Variants in ZC3H12B observed in about 807,000 individuals in gnomAD.
ZC3H12B encodes probable ribonuclease ZC3H12B.
Under a neutral mutation model 43.9 loss-of-function variants are expected in ZC3H12B, and 7 were observed. The observed-to-expected ratio is 0.16, with a 90% CI of 0.09 to 0.30. The LOEUF (loss-of-function observed/expected upper bound fraction) is 0.30. ZC3H12B is among the 10% of genes least tolerant of loss of function. The probability of loss-of-function intolerance (pLI) is 1.00; values close to 1 mark genes in which losing one functional copy is unlikely to be tolerated. For missense variants in ZC3H12B, 475 were observed against 670.2 expected (o/e 0.71, Z 3.22); for synonymous variants, 222 against 241.7 (o/e 0.92, Z 0.76).
intron 2 of ZC3H12B, among the ~76,000 whole-genome samples, chrX:65,384,540 GA>G (rs774829243): frequency 3.6e-5 from 4 of 109,904 alleles, no homozygotes; most frequent in African/African-American, 9.9e-5. Flanking sequence ...TTTTAAAAAG[GA>G]AAAAAAAGTT....
At chrX:65,206,111 A>G in the ZC3H12B span, among the ~76,000 whole-genome samples, 5 of 112,057 alleles carry the variant, frequency 4.5e-5, no homozygotes, top group Non-Finnish European at 9.4e-5. Flanking sequence ...AATTCAATGC[A>G]ATTTGAAGCA....
upstream of ZC3H12B, among the ~76,000 whole-genome samples, chrX:65,366,418 G>T (rs1408234623): frequency 8.9e-6 from 1 of 111,998 alleles, no homozygotes; most frequent in African/African-American, 3.2e-5. Flanking sequence ...ATATGTATTT[G>T]TTCTTTGTCA....
intron 2 of ZC3H12B, among the ~76,000 whole-genome samples, chrX:65,386,931 T>C (rs754421721): frequency 1.8e-5 from 2 of 111,967 alleles, no homozygotes; most frequent in East Asian, 5.6e-4. Flanking sequence ...AGCAGATTGT[T>C]CAGTTTCCAT....
chrX:65,154,243 T>A, the ZC3H12B span, among the ~76,000 whole-genome samples: 6 of 111,468 alleles, frequency 5.4e-5, no homozygotes, highest in Non-Finnish European at 7.6e-5. Flanking sequence ...TAATAAAATT[T>A]AAAAAAATAA....
the ZC3H12B span, among the ~76,000 whole-genome samples, chrX:65,050,145 T>C: frequency 9.0e-6 from 1 of 111,536 alleles, no homozygotes; most frequent in African/African-American, 3.2e-5. Flanking sequence ...GTTAAGTTTA[T>C]TTCTAAGTAT....
At chrX:65,362,262 T>C (rs2066113488), upstream of ZC3H12B, among the ~76,000 whole-genome samples, 1 of 111,441 alleles carries the variant, frequency 9.0e-6, no homozygotes, top group African/African-American at 3.3e-5. Context: ...GTCCGTCTCC[T>C]TTTTAATCAA....
the ZC3H12B span, among the ~76,000 whole-genome samples, chrX:65,071,779 C>T: frequency 4.5e-5 from 5 of 111,773 alleles, no homozygotes; most frequent in African/African-American, 1.3e-4. Flanking sequence ...AATATTGGCT[C>T]CCAATTTCTT....
the ZC3H12B span, among the ~76,000 whole-genome samples, chrX:65,306,234 G>C: frequency 8.9e-6 from 1 of 112,220 alleles, no homozygotes; most frequent in Non-Finnish European, 1.9e-5. Flanking sequence ...ATGTTGGCTA[G>C]GTTATGGAAC....
chrX:65,463,191 G>C (rs915206229), intron 3 of ZC3H12B, among the ~76,000 whole-genome samples: 1 of 111,708 alleles, frequency 9.0e-6, no homozygotes, highest in Non-Finnish European at 1.9e-5. Context: ...TGGGTAATGG[G>C]ATTAAACATA....
the ZC3H12B span, among the ~76,000 whole-genome samples, chrX:65,135,151 AT>A: frequency 4.5e-5 from 5 of 111,083 alleles, no homozygotes; most frequent in African/African-American, 1.3e-4. Flanking sequence ...TACCAGTGTT[AT>A]TTTTTTCCTA....
chrX:65,280,467 T>G, the ZC3H12B span, among the ~76,000 whole-genome samples: 11 of 112,052 alleles, frequency 9.8e-5, no homozygotes, highest in Non-Finnish European at 1.7e-4. Context: ...TGAAAGCTTT[T>G]TCTCTAAGAA....
chrX:65,112,646 G>T, the ZC3H12B span, among the ~76,000 whole-genome samples: 3 of 111,779 alleles, frequency 2.7e-5, no homozygotes, highest in Admixed American at 9.5e-5. Flanking sequence ...GAACTATAAA[G>T]CCTGGATGAC....
the ZC3H12B span, among the ~76,000 whole-genome samples, chrX:65,165,220 G>T: frequency 9.0e-6 from 1 of 111,527 alleles, no homozygotes; most frequent in Non-Finnish European, 1.9e-5. Flanking sequence ...CATTAATTGA[G>T]ATTATATTGC....
At chrX:65,438,122 T>C (rs1217310457) in intron 3 of ZC3H12B, among the ~76,000 whole-genome samples, 1 of 112,396 alleles carries the variant, frequency 8.9e-6, no homozygotes, top group East Asian at 2.8e-4. Flanking sequence ...TTTTTAAATA[T>C]AGCTCTGTAG....
At chrX:65,425,628 A>T (rs769721778) in intron 3 of ZC3H12B, among the ~76,000 whole-genome samples, 2 of 111,292 alleles carry the variant, frequency 1.8e-5, no homozygotes, top group Non-Finnish European at 3.8e-5. Flanking sequence ...ATTTTGATGT[A>T]TGTTCCTTCA....
chrX:65,036,344 T>G, the ZC3H12B span, among the ~76,000 whole-genome samples: 1 of 111,808 alleles, frequency 8.9e-6, no homozygotes. Flanking sequence ...TCCCTATTGG[T>G]TTTTAAGCCA....
the ZC3H12B span, among the ~76,000 whole-genome samples, chrX:65,304,082 C>G: frequency 8.9e-6 from 1 of 111,948 alleles, no homozygotes; most frequent in African/African-American, 3.2e-5. Flanking sequence ...GGAGCCAAAA[C>G]GTTATGTGGA....
At chrX:65,226,875 C>T in the ZC3H12B span, among the ~76,000 whole-genome samples, 1 of 111,449 alleles carries the variant, frequency 9.0e-6, no homozygotes, top group Admixed American at 9.5e-5. Flanking sequence ...CATCCAGATT[C>T]ATAAAGCAAG....
the ZC3H12B span, among the ~76,000 whole-genome samples, chrX:65,085,813 A>AC: frequency 9.0e-6 from 1 of 111,573 alleles, no homozygotes; most frequent in Non-Finnish European, 1.9e-5. Context: ...ATTTAGGGAT[A>AC]CGTTGGACAT....
Sources: gnomAD v4.1 joint callset for allele counts (sites outside exome capture counted in the v4.1 genomes callset) on GRCh38, gnomAD v4.1.1 for gene constraint, MANE v1.5 for transcripts, NCBI Gene and HGNC (gene_info 2026-07-23, HGNC 2026-07-21) for gene names.